JAZF1: variants seen among roughly 807,000 people sequenced by gnomAD.
JAZF1 encodes the protein juxtaposed with another zinc finger protein 1.
In JAZF1, 8 loss-of-function variants were observed where a neutral mutation model predicts 26.4. The observed-to-expected ratio is 0.30, with a 90% CI of 0.18 to 0.55. The LOEUF (loss-of-function observed/expected upper bound fraction) is 0.55, where lower values mean the gene tolerates loss of function less well. Ranked by LOEUF, JAZF1 falls within the 20% of genes least tolerant of loss-of-function variation. The probability of loss-of-function intolerance (pLI) is 0.94; values close to 1 mark genes in which losing one functional copy is unlikely to be tolerated. For missense variants in JAZF1, 199 were observed against 322.0 expected (o/e 0.62, Z 2.92); for synonymous variants, 126 against 122.3 (o/e 1.03, Z -0.20).
intron 1 of JAZF1, among the ~76,000 whole-genome samples, chr7:28,127,641 C>A (rs557251014): frequency 4.6e-5 from 7 of 152,274 alleles, no homozygotes; most frequent in African/African-American, 1.7e-4. Flanking sequence ...AGTCCATTCT[C>A]ACACTGCTAA....
chr7:27,895,669 A>G (rs1426470370), intron 2 of JAZF1, among the ~76,000 whole-genome samples: 1 of 152,134 alleles, frequency 6.6e-6, no homozygotes, highest in Non-Finnish European at 1.5e-5. Context: ...AAGCTTATAC[A>G]CACAGAATAC....
At chr7:27,981,989 T>C (rs1246709879) in intron 2 of JAZF1, among the ~76,000 whole-genome samples, 1 of 152,208 alleles carries the variant, frequency 6.6e-6, no homozygotes, top group Non-Finnish European at 1.5e-5. Flanking sequence ...AACTCCTATA[T>C]AGAGGAGGTT....
chr7:28,135,338 A>G (rs849136), intron 1 of JAZF1, among the ~76,000 whole-genome samples: 113,740 of 152,164 alleles, frequency 0.75, 42,837 homozygotes, highest in East Asian at 0.98. Flanking sequence ...GGCAGATATG[A>G]GACAGAGCTT....
intron 1 of JAZF1, among the ~76,000 whole-genome samples, chr7:27,998,984 T>C (rs559234090): frequency 2.8e-4 from 43 of 152,314 alleles, no homozygotes; most frequent in Non-Finnish European, 5.6e-4. Context: ...GTATAAGATG[T>C]ATAGTCCTTC....
chr7:28,112,296 A>G (rs188224989), intron 1 of JAZF1, among the ~76,000 whole-genome samples: 1 of 152,366 alleles, frequency 6.6e-6, no homozygotes, highest in African/African-American at 2.4e-5. Flanking sequence ...CATTCACTGA[A>G]GCAAAACTTG....
At chr7:27,913,293 T>TTTG (rs1784391699) in intron 2 of JAZF1, 1 of 289,548 alleles carries the variant, frequency 3.5e-6, no homozygotes, top group African/African-American at 2.4e-5. Context: ...ATATATATAT[T>TTTG]TGTGTGTGTG....
intron 3 of JAZF1, among the ~76,000 whole-genome samples, chr7:27,850,340 T>C (rs1453994070): frequency 6.6e-6 from 1 of 152,214 alleles, no homozygotes; most frequent in African/African-American, 2.4e-5. Context: ...ATTCTTGACC[T>C]CTTTGTTCCT....
chr7:28,144,290 T>C (rs750776461), intron 1 of JAZF1, among the ~76,000 whole-genome samples: 1 of 152,206 alleles, frequency 6.6e-6, no homozygotes, highest in Non-Finnish European at 1.5e-5. Context: ...AAGGTTGACA[T>C]ATTAGAGAAA....
At chr7:28,062,053 G>C (rs557769864) in intron 1 of JAZF1, among the ~76,000 whole-genome samples, 3 of 152,160 alleles carry the variant, frequency 2.0e-5, no homozygotes, top group Non-Finnish European at 4.4e-5. Flanking sequence ...AAGGTAGAGC[G>C]TGAACCCTGC....
At chr7:28,017,196 C>A (rs1782909183) in intron 1 of JAZF1, among the ~76,000 whole-genome samples, 1 of 151,940 alleles carries the variant, frequency 6.6e-6, no homozygotes, top group Non-Finnish European at 1.5e-5. Context: ...ACTAAACATA[C>A]AAAAATTAGC....
At chr7:28,109,840 C>G (rs985431678) in intron 1 of JAZF1, among the ~76,000 whole-genome samples, 1 of 151,994 alleles carries the variant, frequency 6.6e-6, no homozygotes, top group South Asian at 2.1e-4. Context: ...ACAGGGCCAA[C>G]AACTGAAGAG....
chr7:28,049,018 T>G (rs1264199205), intron 1 of JAZF1, among the ~76,000 whole-genome samples: 1 of 59,924 alleles, frequency 1.7e-5, no homozygotes, highest in Non-Finnish European at 3.2e-5. Flanking sequence ...CCTCCCTCCC[T>G]CCCTTCCCTT....
rs113100066 is a variant in JAZF1 at position 28,167,622 on chromosome 7, A to G, written c.115+12841T>C. On this transcript the variant is annotated intron_variant, in intron 1 of 4. Transcript: ENST00000283928. ...GTTTCCTTTCCATTTTTAAATGATA[A>G]GATGCTCAATTCACCTGCAAAAGGG... Among the ~76,000 whole-genome samples the G allele has an allele frequency of 8.5e-3, 1,294 of 152,286 alleles. 9 individuals are homozygous for G. The highest frequency in any genetic ancestry group is 0.018 in the African/African-American group (739 of 41,544).
intron 1 of JAZF1, among the ~76,000 whole-genome samples, chr7:28,116,907 T>C (rs1010348020): frequency 2.6e-5 from 4 of 152,004 alleles, no homozygotes; most frequent in African/African-American, 2.4e-5. Flanking sequence ...CACTGCAACC[T>C]CCGCCTCCCA....
chr7:27,867,751 G>C (rs1353015393), intron 3 of JAZF1, among the ~76,000 whole-genome samples: 1 of 152,234 alleles, frequency 6.6e-6, no homozygotes, highest in Non-Finnish European at 1.5e-5. Flanking sequence ...TACACTCCAG[G>C]CATGACAACA....
At chr7:27,871,802 T>C (rs1203711562) in intron 3 of JAZF1, among the ~76,000 whole-genome samples, 3 of 152,192 alleles carry the variant, frequency 2.0e-5, no homozygotes, top group Non-Finnish European at 4.4e-5. Flanking sequence ...GTGAAGGGTA[T>C]ATGGTTCAAG....
At chr7:27,845,339 T>C (rs1783000208) in intron 3 of JAZF1, among the ~76,000 whole-genome samples, 1 of 152,148 alleles carries the variant, frequency 6.6e-6, no homozygotes, top group African/African-American at 2.4e-5. Flanking sequence ...GGTCAGAATG[T>C]TGCAACTCAC....
intron 1 of JAZF1, among the ~76,000 whole-genome samples, chr7:28,104,214 C>T (rs1402690835): frequency 1.3e-5 from 2 of 152,166 alleles, no homozygotes; most frequent in Non-Finnish European, 2.9e-5. Context: ...CTGTGACAAC[C>T]CCACACTCCC....
chr7:27,911,460 C>T (rs1277616073), intron 2 of JAZF1, among the ~76,000 whole-genome samples: 1 of 152,070 alleles, frequency 6.6e-6, no homozygotes, highest in African/African-American at 2.4e-5. Flanking sequence ...TTACAAAATG[C>T]TAAAAGTCTG....
Sources: allele counts gnomAD v4.1 joint callset (sites outside exome capture counted in the v4.1 genomes callset), GRCh38; gene constraint gnomAD v4.1.1; transcripts MANE v1.5; gene names NCBI Gene and HGNC (gene_info 2026-07-23, HGNC 2026-07-21).